The following DCLK1 variants were observed in gnomAD, a reference collection of about 807,000 sequenced individuals.
DCLK1 encodes the protein doublecortin like kinase 1, also known as serine/threonine-protein kinase DCLK1.
DCLK1 carries 16 observed loss-of-function variants against 86.2 expected under a neutral mutation model. That is an observed-to-expected ratio of 0.19 (90% CI 0.13 to 0.28). The LOEUF is 0.28. Ranked by LOEUF, DCLK1 falls within the 10% of genes least tolerant of loss-of-function variation. The probability of loss-of-function intolerance (pLI) is 1.00; values close to 1 mark genes in which losing one functional copy is unlikely to be tolerated. For missense variants in DCLK1, 590 were observed against 940.2 expected (o/e 0.63, Z 4.87); for synonymous variants, 369 against 370.5 (o/e 1.00, Z 0.05).
chr13:35,855,692 T>C, intron 5 of DCLK1: 6 of 1,391,400 alleles, frequency 4.3e-6, no homozygotes, highest in Non-Finnish European at 5.7e-6. Flanking sequence ...CAGATGCCTT[T>C]TCTGCGTAAA....
chr13:35,847,815 A>G, intron 6 of DCLK1: 2 of 985,210 alleles, frequency 2.0e-6, no homozygotes, highest in Non-Finnish European at 2.4e-6. Flanking sequence ...ATATATGCGC[A>G]CAGGGATGTA....
chr13:36,114,588 C>T (rs1037732757), intron 2 of DCLK1, among the ~76,000 whole-genome samples: 2 of 152,214 alleles, frequency 1.3e-5, no homozygotes, highest in African/African-American at 4.8e-5. Context: ...CATTGATTTC[C>T]TTATGCTAAT....
At chr13:35,789,319 C>CT (rs1395214189) in intron 16 of DCLK1, among the ~76,000 whole-genome samples, 5 of 152,170 alleles carry the variant, frequency 3.3e-5, no homozygotes, top group African/African-American at 1.2e-4. Flanking sequence ...CTAAAAACTG[C>CT]TTGGAGGATT....
chr13:36,046,248 C>T (rs553257004), intron 3 of DCLK1, among the ~76,000 whole-genome samples: 15 of 152,280 alleles, frequency 9.9e-5, no homozygotes, highest in Admixed American at 2.0e-4. Flanking sequence ...ACTTAAATGT[C>T]ACAATGCAAA....
chr13:35,920,963 C>T (rs144627658), intron 4 of DCLK1, among the ~76,000 whole-genome samples: 348 of 152,262 alleles, frequency 2.3e-3, no homozygotes, highest in African/African-American at 8.0e-3. Context: ...CTAATTCTGT[C>T]CACTGCTCCC....
chr13:35,831,835 G>A (rs559637892), intron 8 of DCLK1, among the ~76,000 whole-genome samples: 2 of 152,284 alleles, frequency 1.3e-5, no homozygotes, highest in Middle Eastern at 6.8e-3. Flanking sequence ...AACTACTAGA[G>A]GGAAATTTTC....
intron 3 of DCLK1, among the ~76,000 whole-genome samples, chr13:36,017,211 G>A (rs958352603): frequency 6.6e-6 from 1 of 152,144 alleles, no homozygotes; most frequent in East Asian, 1.9e-4. Flanking sequence ...GTTACTGATC[G>A]TATCTCCAAA....
rs2087015793 is a variant in DCLK1 at position 35,805,799 on chromosome 13, A to G, written c.1864-20T>C. On this transcript the variant is annotated intron_variant, in intron 14 of 16. Coordinates refer to ENST00000360631, the MANE Select transcript of DCLK1 (RefSeq NM_001330071.2). ...GAGCTCCTGTGAAGGGGAACGTTAG[A>G]GTCCATTTATCTGAATTTAAGGTGA... 4 of 1,607,012 alleles carry G rather than the reference A, an allele frequency of 2.5e-6. No homozygotes were observed. In the South Asian group the frequency reaches 4.4e-5, roughly 18 times the overall value.
chr13:36,115,774 T>C (rs1038136699), intron 2 of DCLK1, among the ~76,000 whole-genome samples: 5 of 151,282 alleles, frequency 3.3e-5, no homozygotes, highest in African/African-American at 9.7e-5. Context: ...CATGAAATTA[T>C]GTTTGGATCC....
chr13:36,083,579 G>A (rs1345790875), intron 3 of DCLK1, among the ~76,000 whole-genome samples: 6 of 152,146 alleles, frequency 3.9e-5, no homozygotes, highest in East Asian at 3.8e-4. Flanking sequence ...GATTGAAAGT[G>A]GAATAGATTC....
At chr13:35,934,308 C>T (rs570975008) in intron 4 of DCLK1, among the ~76,000 whole-genome samples, 1 of 152,298 alleles carries the variant, frequency 6.6e-6, no homozygotes, top group South Asian at 2.1e-4. Context: ...ATCTTCTTAG[C>T]AGCACCCCAC....
At chr13:36,079,287 T>C (rs762993605) in intron 3 of DCLK1, among the ~76,000 whole-genome samples, 11 of 152,158 alleles carry the variant, frequency 7.2e-5, no homozygotes, top group African/African-American at 1.2e-4. Context: ...CATGAGGATA[T>C]AGAAGCCTTG....
At chr13:36,056,795 C>T (rs954260790) in intron 3 of DCLK1, among the ~76,000 whole-genome samples, 3 of 149,350 alleles carry the variant, frequency 2.0e-5, no homozygotes, top group Non-Finnish European at 4.4e-5. Context: ...ACTTGGGAGG[C>T]TGAGGCAGGA....
At chr13:35,786,170 G>C (rs769058577) in intron 16 of DCLK1, among the ~76,000 whole-genome samples, 4 of 152,076 alleles carry the variant, frequency 2.6e-5, no homozygotes, top group Non-Finnish European at 5.9e-5. Flanking sequence ...TTTATAGTTG[G>C]CTACGTTTAT....
intron 3 of DCLK1, among the ~76,000 whole-genome samples, chr13:36,084,787 G>C (rs780306118): frequency 1.3e-5 from 2 of 152,134 alleles, no homozygotes; most frequent in Non-Finnish European, 2.9e-5. Flanking sequence ...AATGCAAATG[G>C]CCTTCGCTAC....
At chr13:36,103,021 T>G (rs1435570672) in intron 3 of DCLK1, among the ~76,000 whole-genome samples, 1 of 152,200 alleles carries the variant, frequency 6.6e-6, no homozygotes, top group Non-Finnish European at 1.5e-5. Flanking sequence ...CATGTGAAGG[T>G]GCCAGCAAGG....
chr13:36,094,875 G>A (rs186760996), intron 3 of DCLK1, among the ~76,000 whole-genome samples: 186 of 152,286 alleles, frequency 1.2e-3, no homozygotes, highest in African/African-American at 4.0e-3. Flanking sequence ...CAAGTGATGG[G>A]GAAAAGTTAA....
intron 3 of DCLK1, among the ~76,000 whole-genome samples, chr13:35,952,879 T>C (rs1448994064): frequency 2.0e-5 from 3 of 152,190 alleles, no homozygotes; most frequent in African/African-American, 7.2e-5. Flanking sequence ...GTGATTATAA[T>C]TGCCAGATGT....
intron 3 of DCLK1, among the ~76,000 whole-genome samples, chr13:36,009,718 G>T (rs1190217386): frequency 2.7e-5 from 3 of 111,978 alleles, no homozygotes; most frequent in Non-Finnish European, 5.5e-5. Context: ...GCTCTTTTTT[G>T]GTTCCATATG....
Sources: allele counts gnomAD v4.1 joint callset (sites outside exome capture counted in the v4.1 genomes callset), GRCh38; gene constraint gnomAD v4.1.1; transcripts MANE v1.5; gene names NCBI Gene and HGNC (gene_info 2026-07-23, HGNC 2026-07-21).